Variants in CNTN5 observed in about 807,000 individuals in gnomAD.
CNTN5 encodes the protein contactin 5.
In CNTN5, 77 loss-of-function variants were observed where a neutral mutation model predicts 129.1. The ratio of observed to expected loss-of-function variants is 0.60; its 90% CI spans 0.50 to 0.72. The LOEUF (loss-of-function observed/expected upper bound fraction) is 0.72, where lower values mean the gene tolerates loss of function less well. Ranked by LOEUF, CNTN5 falls within the 30% of genes least tolerant of loss-of-function variation. CNTN5 has a pLI of 0.00. For missense variants in CNTN5, 1,478 were observed against 1,328.8 expected (o/e 1.11, Z -1.75); for synonymous variants, 509 against 465.6 (o/e 1.09, Z -1.20).
chr11:99,048,997 G>A (rs570998280), intron 1 of CNTN5, among the ~76,000 whole-genome samples: 22 of 152,064 alleles, frequency 1.4e-4, no homozygotes, highest in Non-Finnish European at 1.5e-4. Flanking sequence ...TGCTGCTTCT[G>A]CTGCTGTGTC....
At chr11:99,743,683 A>G (rs1943955214) in intron 3 of CNTN5, among the ~76,000 whole-genome samples, 1 of 152,134 alleles carries the variant, frequency 6.6e-6, no homozygotes, top group Admixed American at 6.6e-5. Flanking sequence ...GAGACTTCTA[A>G]TACAGGTGGC....
intron 6 of CNTN5, among the ~76,000 whole-genome samples, chr11:99,877,126 T>C (rs1948653657): frequency 6.6e-6 from 1 of 152,208 alleles, no homozygotes; most frequent in African/African-American, 2.4e-5. Context: ...TTCATTAATA[T>C]GGATTTTTAA....
intron 13 of CNTN5, among the ~76,000 whole-genome samples, chr11:100,162,722 T>G (rs1181046761): frequency 6.6e-6 from 1 of 151,924 alleles, no homozygotes; most frequent in Non-Finnish European, 1.5e-5. Context: ...AGTTGAAACT[T>G]GATATTTCAT....
intron 1 of CNTN5, among the ~76,000 whole-genome samples, chr11:99,210,541 G>A (rs1189052080): frequency 2.0e-5 from 3 of 151,924 alleles, no homozygotes; most frequent in Non-Finnish European, 2.9e-5. Context: ...AGTAAGAATT[G>A]TTTGTATGTT....
chr11:99,357,978 T>TGGGC (rs1357817728), intron 2 of CNTN5, among the ~76,000 whole-genome samples: 1 of 148,240 alleles, frequency 6.7e-6, no homozygotes, highest in Non-Finnish European at 1.5e-5. Context: ...CACTCCAGCC[T>TGGGC]GGGCGAGAGA....
intron 4 of CNTN5, 33 bp from the exon 5 acceptor site, chr11:99,844,819 G>T (rs1947629809): frequency 6.3e-7 from 1 of 1,579,386 alleles, no homozygotes; most frequent in Non-Finnish European, 8.6e-7. Context: ...CTAGTTTAAG[G>T]AAATTTAAAA....
chr11:99,260,779 A>G (rs1271115978), intron 1 of CNTN5, among the ~76,000 whole-genome samples: 4 of 151,856 alleles, frequency 2.6e-5, no homozygotes, highest in Non-Finnish European at 5.9e-5. Flanking sequence ...AGCCAATTTG[A>G]TTGTCTGTAA....
chr11:99,548,731 C>T (rs188674627), intron 2 of CNTN5, among the ~76,000 whole-genome samples: 1 of 152,246 alleles, frequency 6.6e-6, no homozygotes, highest in East Asian at 1.9e-4. Flanking sequence ...AAGTCAAATG[C>T]GAGTCTGGTT....
chr11:99,843,630 A>G (rs1394670564), intron 4 of CNTN5, among the ~76,000 whole-genome samples: 1 of 152,184 alleles, frequency 6.6e-6, no homozygotes, highest in Non-Finnish European at 1.5e-5. Flanking sequence ...TTTTGATCCT[A>G]GAGCACATAT....
chr11:99,531,901 A>G (rs1012972147), intron 2 of CNTN5, among the ~76,000 whole-genome samples: 1 of 152,098 alleles, frequency 6.6e-6, no homozygotes, highest in Non-Finnish European at 1.5e-5. Context: ...CTCCATTCTC[A>G]TGGAGAATCT....
rs776203086 is a variant in CNTN5 at position 99,426,512 on chromosome 11, G to A, written c.-71+101028G>A. 5.9e-5 allele frequency among the ~76,000 whole-genome samples: 9 copies of A among 152,134 alleles called. No individual in the cohort carries two copies. In the East Asian group the frequency reaches 9.6e-4, roughly 16 times the overall value. On this transcript the variant is annotated intron_variant, in intron 2 of 24. Transcript: ENST00000524871. ...ATCTTGACCATAAGACAGAATTTTCGTAAGCCTTTTTATAATCTTTTACAA... is the reference window on the plus strand; with the variant it reads ...ATCTTGACCATAAGACAGAATTTTCATAAGCCTTTTTATAATCTTTTACAA...
intron 3 of CNTN5, among the ~76,000 whole-genome samples, chr11:99,759,329 A>G (rs1944502096): frequency 6.6e-6 from 1 of 152,064 alleles, no homozygotes. Flanking sequence ...CTTTTCTCAC[A>G]GTACTTATTT....
At chr11:99,920,014 G>T (rs1307244708) in intron 7 of CNTN5, among the ~76,000 whole-genome samples, 1 of 151,836 alleles carries the variant, frequency 6.6e-6, no homozygotes, top group South Asian at 2.1e-4. Context: ...ACGTCTGTGG[G>T]TGTTTGGTTT....
chr11:99,422,008 T>C (rs151179877), intron 2 of CNTN5, among the ~76,000 whole-genome samples: 16 of 152,282 alleles, frequency 1.1e-4, no homozygotes, highest in Middle Eastern at 3.4e-3. Context: ...AATCTCTACT[T>C]GATAGGAATA....
intron 1 of CNTN5, among the ~76,000 whole-genome samples, chr11:99,152,294 G>A (rs569716807): frequency 6.6e-6 from 1 of 152,100 alleles, no homozygotes. Context: ...ATATTCATGA[G>A]ACATTTTCAA....
intron 1 of CNTN5, among the ~76,000 whole-genome samples, chr11:99,073,374 GTTTTTTTTTT>G (rs750531770): frequency 6.5e-5 from 4 of 61,198 alleles, no homozygotes; most frequent in Non-Finnish European, 1.2e-4. Flanking sequence ...TTATGGTTTG[GTTTTTTTTTT>G]TTTTTTTTTT....
intron 3 of CNTN5, among the ~76,000 whole-genome samples, chr11:99,809,628 C>T (rs1024429656): frequency 5.3e-5 from 8 of 152,006 alleles, no homozygotes; most frequent in Admixed American, 2.0e-4. Flanking sequence ...ATGTTCTACA[C>T]GGCACCATAG....
intron 3 of CNTN5, among the ~76,000 whole-genome samples, chr11:99,770,499 CTG>C (rs1211151346): frequency 1.3e-5 from 2 of 151,962 alleles, no homozygotes; most frequent in African/African-American, 2.4e-5. Context: ...AACTTAGTGT[CTG>C]TATATAGTGA....
At position 100,067,476 on chromosome 11, in the gene CNTN5, A is replaced by AAT. The variant is rs1324407337; in HGVS notation, c.1163-2948_1163-2947insAT. Among the ~76,000 whole-genome samples the AAT allele has an allele frequency of 6.8e-3, 999 of 147,628 alleles. 8 individuals carry two copies. Among genetic ancestry groups the AAT allele is most frequent in the African/African-American group, 0.023 (930 of 40,354 alleles). Reference sequence around the variant, plus strand: ...CATCACCAAGTTATGCCATTTCAGGATTTTTTTTTTTTTTGCTATTATGCA... The same window carrying AAT: ...CATCACCAAGTTATGCCATTTCAGGAATTTTTTTTTTTTTTTGCTATTATGCA... On this transcript the variant is annotated intron_variant, in intron 10 of 24. Transcript: ENST00000524871.
Sources: gnomAD v4.1 joint callset for allele counts (sites outside exome capture counted in the v4.1 genomes callset) on GRCh38, gnomAD v4.1.1 for gene constraint, MANE v1.5 for transcripts, NCBI Gene and HGNC (gene_info 2026-07-23, HGNC 2026-07-21) for gene names.